The following GRM1 variants were observed in gnomAD, a reference collection of about 807,000 sequenced individuals.
GRM1 encodes the protein glutamate metabotropic receptor 1, also known as metabotropic glutamate receptor 1.
In GRM1, 33 loss-of-function variants were observed where a neutral mutation model predicts 90.9. The observed-to-expected ratio is 0.36, with a 90% CI of 0.28 to 0.49. The LOEUF (loss-of-function observed/expected upper bound fraction) is 0.49. GRM1 is among the 20% of genes least tolerant of loss of function. The pLI is 0.99. For missense variants in GRM1, 1,190 were observed against 1,534.3 expected (o/e 0.78, Z 3.75); for synonymous variants, 700 against 613.2 (o/e 1.14, Z -2.09).
chr6:146,246,652 C>CATCTAAAAT (rs1781069323), intron 2 of GRM1, among the ~76,000 whole-genome samples: 1 of 152,126 alleles, frequency 6.6e-6, no homozygotes, highest in Admixed American at 6.6e-5. Flanking sequence ...AGAAATGTGT[C>CATCTAAAAT]ATCTAAAATG....
chr6:146,168,848 G>A (rs1778003841), intron 2 of GRM1, among the ~76,000 whole-genome samples: 1 of 152,010 alleles, frequency 6.6e-6, no homozygotes, highest in African/African-American at 2.4e-5. Context: ...TCTCTAATAT[G>A]TATTATCACT....
At chr6:146,240,891 T>A (rs1188914607) in intron 2 of GRM1, among the ~76,000 whole-genome samples, 1 of 152,098 alleles carries the variant, frequency 6.6e-6, no homozygotes, top group Non-Finnish European at 1.5e-5. Flanking sequence ...TGAATAAATG[T>A]TCCTAGGCAA....
intron 2 of GRM1, among the ~76,000 whole-genome samples, chr6:146,216,145 A>G (rs1342610197): frequency 6.6e-6 from 1 of 152,180 alleles, no homozygotes; most frequent in African/African-American, 2.4e-5. Context: ...TAGATTATAT[A>G]TATGTATGTA....
At chr6:146,423,979 C>T (rs573753351) in intron 7 of GRM1, among the ~76,000 whole-genome samples, 45 of 152,304 alleles carry the variant, frequency 3.0e-4, no homozygotes, top group Non-Finnish European at 5.4e-4. Context: ...TGAAGTCCCA[C>T]CAGACACGGC....
At chr6:146,316,289 G>A (rs370037655) in intron 3 of GRM1, among the ~76,000 whole-genome samples, 3 of 152,148 alleles carry the variant, frequency 2.0e-5, no homozygotes, top group East Asian at 3.9e-4. Flanking sequence ...CTCTCTGGAC[G>A]TGACCAGGGA....
chr6:146,432,546 G>A (rs987489920), intron 7 of GRM1, among the ~76,000 whole-genome samples: 3 of 152,048 alleles, frequency 2.0e-5, no homozygotes, highest in Admixed American at 6.5e-5. Flanking sequence ...ATATGGATTA[G>A]TCTATTTCAC....
intron 3 of GRM1, among the ~76,000 whole-genome samples, chr6:146,305,476 A>G (rs1031416171): frequency 1.3e-5 from 2 of 152,200 alleles, no homozygotes; most frequent in African/African-American, 4.8e-5. Context: ...TAGTACTACC[A>G]TAACCCAGAT....
intron 7 of GRM1, among the ~76,000 whole-genome samples, chr6:146,415,417 T>A (rs1777744710): frequency 6.6e-6 from 1 of 152,192 alleles, no homozygotes; most frequent in Non-Finnish European, 1.5e-5. Context: ...TTTGTTTTTG[T>A]TTTTTTCTAA....
At chr6:146,324,137 C>T (rs979529845) in intron 3 of GRM1, among the ~76,000 whole-genome samples, 6 of 152,176 alleles carry the variant, frequency 3.9e-5, no homozygotes, top group Admixed American at 2.0e-4. Context: ...AGCGGCTTTG[C>T]GGAGCTGCGG....
chr6:146,083,213 A>G (rs1373599223), intron 1 of GRM1, among the ~76,000 whole-genome samples: 1 of 152,150 alleles, frequency 6.6e-6, no homozygotes, highest in Non-Finnish European at 1.5e-5. Flanking sequence ...TCCTATTTGA[A>G]TACCCTTTAT....
chr6:146,379,296 T>C (rs1024271725), intron 5 of GRM1, among the ~76,000 whole-genome samples: 19 of 152,180 alleles, frequency 1.2e-4, no homozygotes, highest in Non-Finnish European at 2.6e-4. Context: ...CTCTGATAGG[T>C]ATTTTCAAAT....
intron 7 of GRM1, among the ~76,000 whole-genome samples, chr6:146,405,613 G>T (rs1159011801): frequency 6.6e-6 from 1 of 152,202 alleles, no homozygotes; most frequent in South Asian, 2.1e-4. Context: ...CCACCATCTT[G>T]CTGTGTGCTC....
At position 146,043,141 on chromosome 6, in the gene GRM1, A is replaced by T. The variant is rs1791179633; in HGVS notation, c.700+12924A>T. Among the ~76,000 whole-genome samples, 3 of 152,036 alleles carry T rather than the reference A, an allele frequency of 2.0e-5. No individual in the cohort carries two copies. The South Asian group carries it at 6.2e-4, about 32-fold the overall frequency. On this transcript the variant is annotated intron_variant, in intron 1 of 7. Coordinates refer to ENST00000282753, the MANE Select transcript of GRM1 (RefSeq NM_001278064.2). ...AGACCCCATCTCTAAAAAAAAAATT[A>T]AAAAATAACCGTGCATGGTGGCGTG...
chr6:146,199,739 CGGGTATGGT>C (rs1276018059), intron 2 of GRM1, among the ~76,000 whole-genome samples: 2 of 151,352 alleles, frequency 1.3e-5, no homozygotes, highest in African/African-American at 4.8e-5. Flanking sequence ...TAACTCTCAC[CGGGTATGGT>C]GGCTCATGCC....
intron 2 of GRM1, among the ~76,000 whole-genome samples, chr6:146,249,411 G>A (rs781353491): frequency 4.9e-4 from 75 of 152,168 alleles, no homozygotes; most frequent in Admixed American, 7.2e-4. Flanking sequence ...GCATCCCCGC[G>A]GTTCCAGCTC....
At chr6:146,217,531 G>A (rs1779914810) in intron 2 of GRM1, among the ~76,000 whole-genome samples, 1 of 152,180 alleles carries the variant, frequency 6.6e-6, no homozygotes, top group Non-Finnish European at 1.5e-5. Context: ...ATATTATTAT[G>A]CTCTCATAAT....
At chr6:146,414,938 A>T (rs1407954217) in intron 7 of GRM1, among the ~76,000 whole-genome samples, 1 of 152,252 alleles carries the variant, frequency 6.6e-6, no homozygotes, top group South Asian at 2.1e-4. Flanking sequence ...TGTTTTTTCT[A>T]GGAGGTTTAT....
chr6:146,259,461 C>T (rs1427884314), intron 2 of GRM1, among the ~76,000 whole-genome samples: 1 of 152,120 alleles, frequency 6.6e-6, no homozygotes, highest in African/African-American at 2.4e-5. Context: ...GCAACAACTC[C>T]TGTGCCCCGC....
At chr6:146,418,390 T>C (rs116125768) in intron 7 of GRM1, among the ~76,000 whole-genome samples, 2,365 of 151,784 alleles carry the variant, frequency 0.016, 77 homozygotes, top group African/African-American at 0.054. Flanking sequence ...ATATTAAAAA[T>C]AATAAATATT....
Sources: allele counts gnomAD v4.1 joint callset (sites outside exome capture counted in the v4.1 genomes callset), GRCh38; gene constraint gnomAD v4.1.1; transcripts MANE v1.5; gene names NCBI Gene and HGNC (gene_info 2026-07-23, HGNC 2026-07-21).